The following CACHD1 variants were observed in gnomAD, a reference collection of about 807,000 sequenced individuals.
CACHD1 encodes the protein VWFA and cache domain-containing protein 1.
A neutral mutation model predicts 138.7 loss-of-function variants in CACHD1; 71 were observed. The observed-to-expected ratio is 0.51, with a 90% CI of 0.42 to 0.62. CACHD1 has a LOEUF of 0.62. Ranked by LOEUF, CACHD1 falls within the 20% of genes least tolerant of loss-of-function variation. The probability of loss-of-function intolerance (pLI) is 0.00; values close to 1 mark genes in which losing one functional copy is unlikely to be tolerated. For missense variants in CACHD1, 1,389 were observed against 1,625.3 expected, an observed-to-expected ratio of 0.85 and a Z score of 2.50; for synonymous variants, 578 against 591.5, an observed-to-expected ratio of 0.98 and a Z score of 0.33.
intron 13 of CACHD1, among the ~76,000 whole-genome samples, 195 bp downstream of exon 13, chr1:64,659,068 T>G (rs1649357755): frequency 6.6e-6 from 1 of 152,144 alleles, no homozygotes; most frequent in Non-Finnish European, 1.5e-5. Context: ...GAGACAAGGT[T>G]TCGTGTGCTC....
chr1:64,643,770 G>A (rs553970645), intron 8 of CACHD1, among the ~76,000 whole-genome samples: 203 of 152,234 alleles, frequency 1.3e-3, no homozygotes, highest in African/African-American at 4.6e-3. Flanking sequence ...CCCGGGAGGC[G>A]GAGCTTGCAG....
chr1:64,632,558 C>G lies in CACHD1; in HGVS notation c.645-41C>G, dbSNP rs771864395. On this transcript the variant is annotated intron_variant, in intron 5 of 26. Transcript: ENST00000651257. ...GCTGTGTTAAGTTGAGGCCCTTTAC[C>G]TAAACCAAGACTGACCCCAGAGAGC... 15 of 1,610,242 alleles carry G rather than the reference C, an allele frequency of 9.3e-6. No individual in the cohort carries two copies. In the South Asian group the frequency reaches 1.7e-4, roughly 18 times the overall value.
At chr1:64,540,052 T>C (rs915400774) in intron 1 of CACHD1, among the ~76,000 whole-genome samples, 1 of 152,238 alleles carries the variant, frequency 6.6e-6, no homozygotes, top group Non-Finnish European at 1.5e-5. Context: ...TAGAAAGGAC[T>C]TGATTGATTG....
chr1:64,603,938 G>GA (rs1281035286), intron 4 of CACHD1, among the ~76,000 whole-genome samples: 4 of 152,026 alleles, frequency 2.6e-5, no homozygotes, highest in Non-Finnish European at 5.9e-5. Flanking sequence ...ATTTTACCAA[G>GA]AAAAAAATCT....
chr1:64,556,327 A>G lies in CACHD1; in HGVS notation c.261+5671A>G, dbSNP rs556060760. Among the ~76,000 whole-genome samples, 9 of 152,368 alleles carry G rather than the reference A, an allele frequency of 5.9e-5. No individual in the cohort carries two copies. The East Asian group carries it at 1.7e-3, about 29-fold the overall frequency. On this transcript the variant is annotated intron_variant, in intron 2 of 26. Coordinates refer to ENST00000651257, the MANE Select transcript of CACHD1 (RefSeq NM_020925.4). ...TTGATAAAGTAAAAATAGGTTAGTT[A>G]TTCAAAGCAGATTATTGACCTGTGT...
intron 16 of CACHD1, among the ~76,000 whole-genome samples, chr1:64,671,067 GA>G (rs1438997926): frequency 1.3e-5 from 2 of 152,226 alleles, no homozygotes; most frequent in South Asian, 2.1e-4. Context: ...AATGTTGTGG[GA>G]AAAAAACTGG....
chr1:64,562,325 A>C (rs1350774708), intron 2 of CACHD1, among the ~76,000 whole-genome samples: 1 of 145,338 alleles, frequency 6.9e-6, no homozygotes, highest in Non-Finnish European at 1.5e-5. Flanking sequence ...CAAATCCCTG[A>C]GACAGTGTCT....
intron 3 of CACHD1, among the ~76,000 whole-genome samples, chr1:64,586,388 A>G (rs1469336358): frequency 6.6e-6 from 1 of 152,176 alleles, no homozygotes; most frequent in African/African-American, 2.4e-5. Flanking sequence ...ACTTTCCTAT[A>G]TTCCAATCCT....
intron 2 of CACHD1, among the ~76,000 whole-genome samples, chr1:64,574,893 A>G (rs1265040613): frequency 6.6e-6 from 1 of 152,212 alleles, no homozygotes; most frequent in Non-Finnish European, 1.5e-5. Context: ...CTTTTAATCT[A>G]AGAAAAAATG....
At chr1:64,636,945 A>G (rs1648543788) in intron 7 of CACHD1, among the ~76,000 whole-genome samples, 1 of 152,144 alleles carries the variant, frequency 6.6e-6, no homozygotes, top group South Asian at 2.1e-4. Context: ...GCTCATTTAG[A>G]TCATCTTAGA....
intron 1 of CACHD1, among the ~76,000 whole-genome samples, chr1:64,479,165 T>C (rs950196992): frequency 2.6e-5 from 4 of 152,208 alleles, no homozygotes; most frequent in African/African-American, 9.7e-5. Flanking sequence ...GAGAACTTTC[T>C]GATAGAAGAG....
At chr1:64,580,175 T>C (rs1647000848) in intron 2 of CACHD1, among the ~76,000 whole-genome samples, 1 of 152,126 alleles carries the variant, frequency 6.6e-6, no homozygotes. Context: ...TTAATATTGC[T>C]TTGGGGAAGG....
chr1:64,623,018 G>A (rs190258070), intron 4 of CACHD1, among the ~76,000 whole-genome samples: 45 of 152,296 alleles, frequency 3.0e-4, no homozygotes, highest in African/African-American at 9.4e-4. Context: ...AGGCAGTGGT[G>A]TTCGGAGAAG....
Position 64,678,172 on chromosome 1 carries a change from G to T in CACHD1, c.3106G>T (p.Val1036Leu). ...TTTTTCTGGCAGGGACTGTTTTGGG[G>T]TGCTGGATTGTGAATGGTGCATGGT... ...QRLESGDCFG[V>L]LDCEWCMVDS... Residue 1036 changes from valine to leucine, a missense_variant, in exon 23 of 27, where the codon GTG becomes TTG. Around this residue, in one of 5 missense-constraint regions of CACHD1, gnomAD observed 250 missense variants for 292.9 expected, o/e 0.85. Transcript: ENST00000651257. 2 of 1,611,724 alleles carry T rather than the reference G, an allele frequency of 1.2e-6. No individual in the cohort carries two copies. The highest frequency in any genetic ancestry group is 1.7e-6 in the Non-Finnish European group (2 of 1,179,078).
intron 26 of CACHD1, among the ~76,000 whole-genome samples, chr1:64,688,887 A>G (rs369132839): frequency 6.6e-6 from 1 of 151,694 alleles, no homozygotes; most frequent in Admixed American, 6.6e-5. Context: ...GTCTTTACCT[A>G]CTTAGCCCCT....
intron 13 of CACHD1, 30 bp downstream of exon 13, chr1:64,658,903 T>C (rs1374895277): frequency 3.3e-6 from 5 of 1,508,620 alleles, no homozygotes; most frequent in Non-Finnish European, 4.4e-6. Context: ...TTCACATTCT[T>C]ACTCTTAGCA....
chr1:64,681,541 G>GGTTTTTT lies in CACHD1; in HGVS notation c.3484+206_3484+207insGTTTTTT, dbSNP rs1553146851. Among the ~76,000 whole-genome samples the GGTTTTTT allele has an allele frequency of 1.1e-3, 73 of 68,142 alleles. 5 individuals carry two copies. The highest frequency in any genetic ancestry group is 0.021 in the Middle Eastern group (2 of 94). 44.7% of individuals were successfully genotyped at this position (68,142 alleles called of 152,430 possible). ...AGAGAATCTCAAAAGATTTTATTGT[G>GGTTTTTT]TTTTTTTTTTTTTTTTTTTTTTTGC... is the stretch of plus-strand genomic sequence containing the variant. On this transcript the variant is annotated intron_variant, in intron 25 of 26. Transcript: ENST00000651257.
chr1:64,578,667 A>C (rs1350150149), intron 2 of CACHD1, among the ~76,000 whole-genome samples: 1 of 152,152 alleles, frequency 6.6e-6, no homozygotes, highest in African/African-American at 2.4e-5. Context: ...GGTTCATGCC[A>C]CAACTTGGGC....
intron 1 of CACHD1, among the ~76,000 whole-genome samples, chr1:64,546,009 T>G (rs1459795214): frequency 6.6e-6 from 1 of 152,214 alleles, no homozygotes; most frequent in African/African-American, 2.4e-5. Context: ...TATTTTTAGT[T>G]TTAGTATTTG....
Sources: gnomAD v4.1 joint callset for allele counts (sites outside exome capture counted in the v4.1 genomes callset) on GRCh38, gnomAD v4.1.1 for gene constraint, gnomAD v4.1.1 regional missense constraint, MANE v1.5 for transcripts, NCBI Gene and HGNC (gene_info 2026-07-23, HGNC 2026-07-21) for gene names.